LRPPRC: variants seen among roughly 807,000 people sequenced by gnomAD.
LRPPRC encodes the protein leucine-rich PPR motif-containing protein, mitochondrial.
In LRPPRC, 120 loss-of-function variants were observed where a neutral mutation model predicts 180.3. That is an observed-to-expected ratio of 0.67 (90% CI 0.57 to 0.77). The LOEUF is 0.77. Ranked by LOEUF, LRPPRC falls within the 30% of genes least tolerant of loss-of-function variation. The pLI is 0.00. For synonymous variants in LRPPRC, 723 were observed against 600.0 expected (o/e 1.21, Z -3.00); for missense variants, 2,012 against 1,657.2 (o/e 1.21, Z -3.72).
intron 30 of LRPPRC, among the ~76,000 whole-genome samples, chr2:43,908,861 A>T (rs533252790): frequency 6.6e-5 from 10 of 152,320 alleles, no homozygotes; most frequent in Admixed American, 5.9e-4. Context: ...AGGTTGACCA[A>T]GTGACCTTAT....
chr2:43,920,050 T>A (rs1208259018), intron 27 of LRPPRC, among the ~76,000 whole-genome samples: 3 of 109,446 alleles, frequency 2.7e-5, no homozygotes, highest in Non-Finnish European at 5.8e-5. Context: ...AAACAAAGCA[T>A]ACTCATTCTT....
intron 23 of LRPPRC, among the ~76,000 whole-genome samples, chr2:43,939,035 G>A (rs1169562461): frequency 6.6e-6 from 1 of 151,974 alleles, no homozygotes; most frequent in African/African-American, 2.4e-5. Context: ...CACTTTGGGA[G>A]GCTGAGGTGG....
chr2:43,938,436 T>G lies in LRPPRC; in HGVS notation c.2505-3558A>C, dbSNP rs78202956. On this transcript the variant is annotated intron_variant, in intron 23 of 37. Coordinates refer to ENST00000260665, the MANE Select transcript of LRPPRC (RefSeq NM_133259.4). ...AGATAGGCTGGGTCCAGCAAGAAAT[T>G]TGGAAACTTAAAATAGAGTTAAATT... 9.7e-4 allele frequency among the ~76,000 whole-genome samples: 147 copies of G among 152,248 alleles called. 2 individuals carry two copies. Among genetic ancestry groups the G allele is most frequent in the African/African-American group, 3.4e-3 (143 of 41,568 alleles).
At chr2:43,993,829 T>C (rs543936817) in intron 1 of LRPPRC, among the ~76,000 whole-genome samples, 17 of 151,516 alleles carry the variant, frequency 1.1e-4, no homozygotes, top group Non-Finnish European at 2.1e-4. Flanking sequence ...ATGTTTTGGA[T>C]TGAGTGTTGA....
At position 43,995,901 on chromosome 2, in the gene LRPPRC, G is replaced by A. The variant is rs1383071568; in HGVS notation, c.47C>T (p.Ala16Val). Residue 16 changes from alanine (A) to valine (V), a missense_variant, in exon 1 of 38, where the codon GCG becomes GTG. Ala to Val is a moderately conservative substitution (Grantham distance 64). Coordinates refer to ENST00000260665, the MANE Select transcript of LRPPRC (RefSeq NM_133259.4). ...CAGGGAGAGCGGGAGGCGCGGGGCC[G>A]CCCCGGCACGCAGCAACCAACGCGC... is the stretch of plus-strand genomic sequence containing the variant. ...RSARWLLRAG[A>V]APRLPLSLRL... The A allele has an allele frequency of 9.9e-6, 15 of 1,511,154 alleles. No homozygotes were observed. Among genetic ancestry groups the A allele is most frequent in the African/African-American group, 4.3e-5 (3 of 69,738 alleles). The allele number at this position is 1,511,154 out of a possible 1,614,324, so 93.6% of individuals were successfully genotyped here.
Position 43,982,415 on chromosome 2 carries a change from T to C in LRPPRC, c.169A>G (p.Arg57Gly), listed in dbSNP as rs753581113. 1 of 1,613,714 alleles carries C rather than the reference T, an allele frequency of 6.2e-7. No individual in the cohort carries two copies. The highest frequency in any genetic ancestry group is 2.2e-5 in the East Asian group (1 of 44,884). ...TCTTTGGCAGCAATGGCATACAGCC[T>C]GGCTGGGCTCAGTAGTCCTCTAAAA... ...PVAGGLLSPA[R>G]LYAIAAKEKD... The change falls in exon 2 of 38, where the codon AGG becomes GGG. Residue 57 changes from arginine (R) to glycine (G), a missense_variant. By Grantham distance (125) the Arg-to-Gly change is moderately radical. Transcript: ENST00000260665.
At chr2:43,916,732 C>A (rs961063574) in intron 29 of LRPPRC, among the ~76,000 whole-genome samples, 6 of 151,718 alleles carry the variant, frequency 4.0e-5, no homozygotes, top group African/African-American at 1.5e-4. Context: ...GGTGGGAGGA[C>A]CACTTGAGCT....
At chr2:43,986,282 A>C (rs1290783012) in intron 1 of LRPPRC, among the ~76,000 whole-genome samples, 2 of 152,052 alleles carry the variant, frequency 1.3e-5, no homozygotes, top group African/African-American at 2.4e-5. Context: ...GGCACACACC[A>C]CCATGCCCGA....
rs115545176 is a variant in LRPPRC, at chr2:43,991,897, T to A, written c.149+3902A>T. Among the ~76,000 whole-genome samples the A allele has an allele frequency of 5.9e-3, 899 of 152,342 alleles. 9 individuals carry two copies. Among genetic ancestry groups the A allele is most frequent in the African/African-American group, 0.021 (855 of 41,578 alleles). The stretch of plus-strand genomic sequence containing the variant: ...CTGCACTGCATGGGTGGGTTAAGCA[T>A]CCCTTCAATCTCCTCCAGTTTACCA... On this transcript the variant is annotated intron_variant, in intron 1 of 37. Transcript: ENST00000260665.
chr2:43,982,389 T>C lies in LRPPRC; in HGVS notation c.195A>G (p.Glu65=). Residue 65 remains glutamate (E), a synonymous_variant, in exon 2 of 38, where the codon GAA becomes GAG. Transcript: ENST00000260665. ...PARLYAIAAK[E]KDIQEESTFS... ...AAGTGGACTCCTCTTGAATATCTTT[T>C]TCTTTGGCAGCAATGGCATACAGCC... 6.2e-7 allele frequency: 1 copy of C among 1,614,110 alleles called. No individual in the cohort carries two copies. Among genetic ancestry groups the C allele is most frequent in the Non-Finnish European group, 8.5e-7 (1 of 1,179,980 alleles).
At chr2:43,956,736 A>G (rs1176116062) in intron 14 of LRPPRC, among the ~76,000 whole-genome samples, 1 of 152,048 alleles carries the variant, frequency 6.6e-6, no homozygotes, top group Non-Finnish European at 1.5e-5. Flanking sequence ...CTAAAAATAC[A>G]AAACTTAGCC....
At chr2:43,894,122 G>T (rs1338382664) in intron 36 of LRPPRC, among the ~76,000 whole-genome samples, 1 of 152,046 alleles carries the variant, frequency 6.6e-6, no homozygotes, top group Non-Finnish European at 1.5e-5. Context: ...AGGAGTAGCA[G>T]GCAAGCAGAG....
chr2:43,957,525 C>A, intron 13 of LRPPRC, 74 bp from the exon 14 acceptor site: 2 of 1,029,488 alleles, frequency 1.9e-6, no homozygotes, highest in Non-Finnish European at 3.1e-6. Context: ...AAATTGAAAA[C>A]ATATTTATAC....
At chr2:43,934,714 G>T in intron 24 of LRPPRC, 40 bp downstream of exon 24, 1 of 1,579,882 alleles carries the variant, frequency 6.3e-7, no homozygotes. Flanking sequence ...CAGCAAGAAG[G>T]GAAAAAAAAA....
chr2:43,890,189 A>T (rs755839367), intron 36 of LRPPRC: 2 of 415,936 alleles, frequency 4.8e-6, no homozygotes, highest in African/African-American at 2.1e-5. Flanking sequence ...AAGTGACCAC[A>T]AACTGAAGTC....
rs1413756308 is a variant in LRPPRC at position 43,887,469 on chromosome 2, G to A, written c.*1131C>T. The A allele has an allele frequency of 6.6e-6, 1 of 152,162 alleles. No homozygotes were observed. Among genetic ancestry groups the A allele is most frequent in the Non-Finnish European group, 1.5e-5 (1 of 68,070 alleles). The allele number at this position is 152,162 out of a possible 1,614,324, so 9.4% of individuals were successfully genotyped here. On this transcript the variant is annotated 3_prime_UTR_variant, in exon 38 of 38. Coordinates refer to ENST00000260665, the MANE Select transcript of LRPPRC (RefSeq NM_133259.4). Reference sequence around the variant, plus strand: ...GCAAGAGGCCCGCCTACGTCCCCAAGGCAAGGTCTCCCCTGATGTGAACAG... The same window carrying A: ...GCAAGAGGCCCGCCTACGTCCCCAAAGCAAGGTCTCCCCTGATGTGAACAG...
chr2:43,934,773 C>A lies in LRPPRC; in HGVS notation c.2610G>T (p.Glu870Asp), dbSNP rs139192988. 2.5e-6 allele frequency: 4 copies of A among 1,612,792 alleles called. No homozygotes were observed. The Admixed American group carries it at 5.0e-5, about 20-fold the overall frequency. The change falls in exon 24 of 38, where the codon GAG becomes GAT. Residue 870 changes from glutamate to aspartate, a missense_variant. Physicochemically the swap from Glu to Asp is conservative, Grantham distance 45 (BLOSUM62 2). Transcript: ENST00000260665. ...ACTCACCTTTCTGAATTAGATCAGTCTCGCCTTTCTCTACCAGTTTACACA... is the reference window on the plus strand; with the variant it reads ...ACTCACCTTTCTGAATTAGATCAGTATCGCCTTTCTCTACCAGTTTACACA... Reference protein sequence around the residue: ...DVLCKLVEKGETDLIQKAMDF... With the variant: ...DVLCKLVEKGDTDLIQKAMDF...
chr2:43,940,695 G>A (rs1672447920), intron 23 of LRPPRC, among the ~76,000 whole-genome samples: 1 of 152,140 alleles, frequency 6.6e-6, no homozygotes, highest in Non-Finnish European at 1.5e-5. Flanking sequence ...TATAAAACAA[G>A]TGAACCTGAA....
intron 12 of LRPPRC, among the ~76,000 whole-genome samples, chr2:43,962,700 G>A (rs1673397819): frequency 6.6e-6 from 1 of 152,078 alleles, no homozygotes; most frequent in African/African-American, 2.4e-5. Flanking sequence ...AAAACTTCTG[G>A]TAGAAAAACA....
Sources: allele counts gnomAD v4.1 joint callset (sites outside exome capture counted in the v4.1 genomes callset), GRCh38; gene constraint gnomAD v4.1.1; transcripts MANE v1.5; gene names NCBI Gene and HGNC (gene_info 2026-07-23, HGNC 2026-07-21).